GPR141: variants seen among roughly 807,000 people sequenced by gnomAD.
The protein encoded by GPR141 is G protein-coupled receptor 141, also known as probable G protein-coupled receptor 141.
GPR141 carries 6 observed loss-of-function variants against 6.8 expected under a neutral mutation model. That is an observed-to-expected ratio of 0.88 (90% CI 0.48 to 1.74). The LOEUF is 1.74. Among genes scored for constraint, GPR141 ranks in the 40% most tolerant of loss-of-function variants. GPR141 has a pLI of 0.01. For synonymous variants in GPR141, 140 were observed against 142.3 expected (o/e 0.98, Z 0.11); for missense variants, 372 against 372.9 (o/e 1.00, Z 0.02).
rs888343529 is a variant in GPR141, at chr7:37,742,274, G to A, written c.*963G>A. 4.0e-5 allele frequency among the ~76,000 whole-genome samples: 6 copies of A among 151,878 alleles called. No individual in the cohort carries two copies. The highest frequency in any genetic ancestry group is 8.8e-5 in the Non-Finnish European group (6 of 67,994). The stretch of plus-strand genomic sequence containing the variant: ...TATATATATTTAAATTATACCTTAA[G>A]TTCTGGGGTACATGTGCAGAATGTG... On this transcript the variant is annotated 3_prime_UTR_variant, in exon 3 of 3. Coordinates refer to ENST00000334425, the MANE Select transcript of GPR141 (RefSeq NM_001381946.1).
In GPR141 at chr7:37,740,494, G is replaced by A. The variant is rs1812481511; in HGVS notation, c.101G>A (p.Gly34Asp). 2 of 1,614,000 alleles carry A rather than the reference G, an allele frequency of 1.2e-6. No homozygotes were observed. Among genetic ancestry groups the A allele is most frequent in the East Asian group, 2.2e-5 (1 of 44,882 alleles). ...YFIVLIGGLV[G>D]VISILFLLVK... Reference sequence around the variant, plus strand: ...ATAGTGCTTATTGGCGGGCTGGTGGGTGTCATTTCCATTCTTTTCCTCCTG... The same window carrying A: ...ATAGTGCTTATTGGCGGGCTGGTGGATGTCATTTCCATTCTTTTCCTCCTG... Residue 34 changes from glycine (G) to aspartate (D), a missense_variant, in exon 3 of 3, where the codon GGT becomes GAT. Physicochemically the swap from Gly to Asp is moderately conservative, Grantham distance 94 (BLOSUM62 -1). Transcript: ENST00000334425.
At chr7:37,732,753 C>T (rs1812031236) in intron 2 of GPR141, among the ~76,000 whole-genome samples, 1 of 152,120 alleles carries the variant, frequency 6.6e-6, no homozygotes, top group Non-Finnish European at 1.5e-5. Context: ...AACAAAGGAG[C>T]AGAGCAGGAC....
chr7:37,740,555 G>A lies in GPR141; in HGVS notation c.162G>A (p.Ala54=), dbSNP rs557865705. The A allele has an allele frequency of 2.5e-5, 40 of 1,614,062 alleles. No homozygotes were observed. The highest frequency in any genetic ancestry group is 2.2e-4 in the East Asian group (10 of 44,886). The change falls in exon 3 of 3, where the codon GCG becomes GCA. Residue 54 remains alanine (A), a synonymous_variant. Transcript: ENST00000334425. The part of the protein sequence containing the change: ...KMNTRSVTTM[A]VINLVVVHSV... ...ACACCCGGTCAGTGACCACCATGGC[G>A]GTCATTAACTTGGTGGTGGTCCACA...
intron 2 of GPR141, among the ~76,000 whole-genome samples, chr7:37,739,163 A>G (rs577920770): frequency 1.3e-5 from 2 of 152,340 alleles, no homozygotes; most frequent in South Asian, 4.1e-4. Context: ...GTGTATCAGA[A>G]GTTGGTTCAT....
At chr7:37,707,612 T>C (rs1178318111) in intron 2 of GPR141, among the ~76,000 whole-genome samples, 1 of 152,214 alleles carries the variant, frequency 6.6e-6, no homozygotes, top group Non-Finnish European at 1.5e-5. Flanking sequence ...GGTAACATTA[T>C]AATCACCCCA....
chr7:37,717,114 T>C (rs1811085603), intron 2 of GPR141, among the ~76,000 whole-genome samples: 1 of 152,370 alleles, frequency 6.6e-6, no homozygotes, highest in South Asian at 2.1e-4. Context: ...TGAGGACAGA[T>C]AGGCCTTGCT....
At chr7:37,712,852 C>T (rs1205752058) in intron 2 of GPR141, among the ~76,000 whole-genome samples, 2 of 152,142 alleles carry the variant, frequency 1.3e-5, no homozygotes, top group Non-Finnish European at 2.9e-5. Context: ...AGTTTGGTGG[C>T]TCTGCAGAGC....
At chr7:37,725,159 C>A (rs930189462) in intron 2 of GPR141, among the ~76,000 whole-genome samples, 2 of 152,122 alleles carry the variant, frequency 1.3e-5, no homozygotes, top group African/African-American at 4.8e-5. Context: ...TCTCATGGAT[C>A]TTTTCTTCTT....
chr7:37,711,727 C>G (rs546385086), intron 2 of GPR141, among the ~76,000 whole-genome samples: 23 of 152,330 alleles, frequency 1.5e-4, no homozygotes, highest in Non-Finnish European at 2.5e-4. Context: ...ATCCCACAGC[C>G]TTTGCCTGTA....
At chr7:37,704,533 A>T (rs1810437834) in intron 2 of GPR141, among the ~76,000 whole-genome samples, 1 of 152,044 alleles carries the variant, frequency 6.6e-6, no homozygotes, top group South Asian at 2.1e-4. Flanking sequence ...CATGGGGGAA[A>T]CCACCCCCAT....
At chr7:37,691,502 T>G (rs990098211) in intron 2 of GPR141, among the ~76,000 whole-genome samples, 4 of 152,126 alleles carry the variant, frequency 2.6e-5, no homozygotes, top group African/African-American at 9.7e-5. Flanking sequence ...TTATTGTAGT[T>G]TTGTATGTTC....
At chr7:37,689,010 GT>G (rs1809639654) in intron 2 of GPR141, among the ~76,000 whole-genome samples, 1 of 152,106 alleles carries the variant, frequency 6.6e-6, no homozygotes, top group South Asian at 2.1e-4. Context: ...ATTTCCAGAA[GT>G]TTTTCGTTAT....
At chr7:37,692,280 A>G (rs1809812565) in intron 2 of GPR141, among the ~76,000 whole-genome samples, 1 of 152,078 alleles carries the variant, frequency 6.6e-6, no homozygotes, top group Non-Finnish European at 1.5e-5. Context: ...GTTTGCTGAG[A>G]ATGATGGTTT....
intron 2 of GPR141, among the ~76,000 whole-genome samples, chr7:37,732,684 G>A (rs777284811): frequency 6.6e-6 from 1 of 152,150 alleles, no homozygotes; most frequent in Non-Finnish European, 1.5e-5. Flanking sequence ...CAATAAATAG[G>A]TTATGAAGAT....
chr7:37,734,613 T>C (rs993722484), intron 2 of GPR141, among the ~76,000 whole-genome samples: 2 of 152,174 alleles, frequency 1.3e-5, no homozygotes, highest in African/African-American at 4.8e-5. Context: ...CTTGTAGAGG[T>C]GATTCTTTTA....
At chr7:37,731,936 A>G (rs911438046) in intron 2 of GPR141, among the ~76,000 whole-genome samples, 2 of 152,090 alleles carry the variant, frequency 1.3e-5, no homozygotes, top group African/African-American at 2.4e-5. Context: ...TGCCCATTAC[A>G]TGAGATGAAG....
chr7:37,684,870 TG>T (rs1809427211), intron 1 of GPR141, among the ~76,000 whole-genome samples: 1 of 152,216 alleles, frequency 6.6e-6, no homozygotes, highest in South Asian at 2.1e-4. Flanking sequence ...ATAGAAGTAA[TG>T]GGAAGACCAA....
chr7:37,722,983 T>TTCC lies in GPR141; in HGVS notation c.-14-17396_-14-17395insCCT, dbSNP rs1811423022. Among the ~76,000 whole-genome samples the TTCC allele has an allele frequency of 3.7e-4, 39 of 104,952 alleles. 1 individual carries two copies. The highest frequency in any genetic ancestry group is 1.9e-3 in the Admixed American group (18 of 9,556). The allele number at this position is 104,952 out of a possible 152,430, so 68.9% of individuals were successfully genotyped here. Reference sequence around the variant, plus strand: ...CCTTCCTTCCTTCCTTCCTTCCTTCTTTCTTTCTTTCTTTTTTTTTTTTGA... The same window carrying TTCC: ...CCTTCCTTCCTTCCTTCCTTCCTTCTTCCTTCTTTCTTTCTTTTTTTTTTTTGA... On this transcript the variant is annotated intron_variant, in intron 2 of 2. Coordinates refer to ENST00000334425, the MANE Select transcript of GPR141 (RefSeq NM_001381946.1).
chr7:37,695,562 G>T (rs1055391947), intron 2 of GPR141, among the ~76,000 whole-genome samples: 2 of 152,180 alleles, frequency 1.3e-5, no homozygotes, highest in African/African-American at 2.4e-5. Flanking sequence ...CTGGGTGGGG[G>T]ATGGGATGTA....
Sources: gnomAD v4.1 joint callset for allele counts (sites outside exome capture counted in the v4.1 genomes callset) on GRCh38, gnomAD v4.1.1 for gene constraint, MANE v1.5 for transcripts, NCBI Gene and HGNC (gene_info 2026-07-23, HGNC 2026-07-21) for gene names.